EPB41L5: variants seen among roughly 807,000 people sequenced by gnomAD.
EPB41L5 encodes the protein erythrocyte membrane protein band 4.1 like 5.
Under a neutral mutation model 106.6 loss-of-function variants are expected in EPB41L5, and 55 were observed. That is an observed-to-expected ratio of 0.52 (90% CI 0.42 to 0.65). The LOEUF is 0.65. Ranked by LOEUF, EPB41L5 falls within the 30% of genes least tolerant of loss-of-function variation. The pLI, the probability that EPB41L5 is intolerant of heterozygous loss-of-function variation, is 0.00. For missense variants in EPB41L5, 871 were observed against 882.1 expected (o/e 0.99, Z 0.16); for synonymous variants, 297 against 306.7 (o/e 0.97, Z 0.33).
intron 3 of EPB41L5, among the ~76,000 whole-genome samples, 157 bp downstream of exon 3, chr2:120,042,267 C>A (rs147885599): frequency 1.1e-3 from 167 of 152,236 alleles, no homozygotes; most frequent in Non-Finnish European, 1.8e-3. Context: ...TTTAGCATCA[C>A]CTGAAGTACT....
intron 18 of EPB41L5, among the ~76,000 whole-genome samples, chr2:120,133,844 A>C (rs981068212): frequency 6.6e-6 from 1 of 152,064 alleles, no homozygotes; most frequent in East Asian, 1.9e-4. Flanking sequence ...GCTCTGGGAG[A>C]GACTTCTTCC....
At chr2:120,076,495 T>C (rs1185463140) in intron 7 of EPB41L5, among the ~76,000 whole-genome samples, 3 of 146,390 alleles carry the variant, frequency 2.0e-5, no homozygotes, top group African/African-American at 7.7e-5. Flanking sequence ...TTTTTTTTTT[T>C]TAGAGACGAG....
intron 16 of EPB41L5, among the ~76,000 whole-genome samples, chr2:120,127,290 T>G (rs914118091): frequency 6.6e-6 from 1 of 152,176 alleles, no homozygotes; most frequent in Non-Finnish European, 1.5e-5. Flanking sequence ...ATAAAAACTT[T>G]TCCATGAATC....
chr2:120,170,020 A>G (rs910765414), intron 24 of EPB41L5, among the ~76,000 whole-genome samples: 2 of 152,242 alleles, frequency 1.3e-5, no homozygotes, highest in African/African-American at 4.8e-5. Flanking sequence ...TTCTATTTTT[A>G]TATAAATACC....
chr2:120,070,672 G>C (rs1250749772), intron 3 of EPB41L5, among the ~76,000 whole-genome samples: 1 of 152,156 alleles, frequency 6.6e-6, no homozygotes, highest in Non-Finnish European at 1.5e-5. Context: ...GGATTGCAAG[G>C]CTGGTTCAAC....
intron 14 of EPB41L5, among the ~76,000 whole-genome samples, chr2:120,097,507 T>C (rs1683837097): frequency 6.6e-6 from 1 of 152,252 alleles, no homozygotes; most frequent in South Asian, 2.1e-4. Flanking sequence ...GTCATTTTTC[T>C]TGTACTGTTT....
chr2:120,101,564 T>A (rs957103330), intron 16 of EPB41L5: 3 of 152,196 alleles, frequency 2.0e-5, no homozygotes, highest in African/African-American at 4.8e-5. Flanking sequence ...TTCATAGGAT[T>A]TTTCTCTTTT....
At chr2:120,057,697 A>G (rs1384783955) in intron 3 of EPB41L5, among the ~76,000 whole-genome samples, 2 of 151,276 alleles carry the variant, frequency 1.3e-5, no homozygotes, top group East Asian at 3.9e-4. Flanking sequence ...AACTAAACAG[A>G]TATTTTTATG....
chr2:120,160,487 T>C (rs1019435228), intron 20 of EPB41L5: 9 of 161,032 alleles, frequency 5.6e-5, no homozygotes, highest in Admixed American at 1.3e-4. Flanking sequence ...CTTTTTGATA[T>C]ATTGATTTTC....
At chr2:120,169,537 T>C (rs1328134474) in intron 24 of EPB41L5, among the ~76,000 whole-genome samples, 1 of 152,170 alleles carries the variant, frequency 6.6e-6, no homozygotes, top group African/African-American at 2.4e-5. Context: ...TTTCAAGATA[T>C]TATGGAAGGG....
chr2:120,035,267 T>A (rs34952205), intron 2 of EPB41L5, among the ~76,000 whole-genome samples: 81,879 of 152,018 alleles, frequency 0.54, 23,739 homozygotes, highest in East Asian at 0.68. Flanking sequence ...AAATTTTTTT[T>A]AAAAATTTTT....
chr2:120,137,781 A>G (rs978440815), intron 18 of EPB41L5, among the ~76,000 whole-genome samples: 4 of 152,130 alleles, frequency 2.6e-5, no homozygotes, highest in Non-Finnish European at 5.9e-5. Context: ...TATTTAAAGA[A>G]GAACTAATAC....
At chr2:120,094,793 A>G (rs1402451176) in intron 14 of EPB41L5, among the ~76,000 whole-genome samples, 1 of 151,834 alleles carries the variant, frequency 6.6e-6, no homozygotes. Flanking sequence ...CTAACTTGTG[A>G]TTTCTTCTTT....
chr2:120,115,812 G>A (rs940516676), intron 16 of EPB41L5, among the ~76,000 whole-genome samples: 1 of 151,528 alleles, frequency 6.6e-6, no homozygotes, highest in Non-Finnish European at 1.5e-5. Context: ...GTTACGTTAC[G>A]TTATGTTATT....
chr2:120,055,527 C>T (rs1458199070), intron 3 of EPB41L5, among the ~76,000 whole-genome samples: 6 of 106,640 alleles, frequency 5.6e-5, no homozygotes, highest in African/African-American at 1.5e-4. Flanking sequence ...CTTGCTCTGT[C>T]AACCAGGCTG....
At chr2:120,037,411 C>T (rs1398400184) in intron 2 of EPB41L5, among the ~76,000 whole-genome samples, 2 of 152,134 alleles carry the variant, frequency 1.3e-5, no homozygotes, top group African/African-American at 4.8e-5. Flanking sequence ...AAAACCCATT[C>T]TAAAATCCAT....
In EPB41L5 at chr2:120,127,711, T is replaced by C. The variant is rs760655052; in HGVS notation, c.1361T>C (p.Leu454Pro). 1.7e-5 allele frequency: 27 copies of C among 1,607,248 alleles called. 3 individuals are homozygous for C. The Admixed American group carries it at 2.8e-4, about 17-fold the overall frequency. The change falls in exon 17 of 25, where the codon CTG becomes CCG. Residue 454 changes from leucine to proline, a missense_variant. Coordinates refer to ENST00000263713, the MANE Select transcript of EPB41L5 (RefSeq NM_020909.4). Reference sequence around the variant, plus strand: ...AGCATTCCTCTGAATATTGATTTGCTGAATAGCCCAGACTTATTGGAAGCA... The same window carrying C: ...AGCATTCCTCTGAATATTGATTTGCCGAATAGCCCAGACTTATTGGAAGCA... ...RKCIPLNIDL[L>P]NSPDLLEATI... is the part of the protein sequence containing the mutation.
intron 20 of EPB41L5, among the ~76,000 whole-genome samples, chr2:120,155,670 C>G (rs1319858457): frequency 6.6e-6 from 1 of 152,002 alleles, no homozygotes; most frequent in East Asian, 1.9e-4. Flanking sequence ...TTCTCAAGCT[C>G]TGCTCATTTT....
intron 16 of EPB41L5, chr2:120,105,153 T>G (rs1204328041): frequency 1.0e-6 from 1 of 978,934 alleles, no homozygotes; most frequent in Non-Finnish European, 1.2e-6. Context: ...TTGATCCTTT[T>G]TAAACTTTAG....
Sources: allele counts gnomAD v4.1 joint callset (sites outside exome capture counted in the v4.1 genomes callset), GRCh38; gene constraint gnomAD v4.1.1; transcripts MANE v1.5; gene names NCBI Gene and HGNC (gene_info 2026-07-23, HGNC 2026-07-21).